The following SLC7A14 variants were observed in gnomAD, a reference collection of about 807,000 sequenced individuals.
SLC7A14 encodes gamma-aminobutyric acid transporter SLC7A14.
Under a neutral mutation model 60.2 loss-of-function variants are expected in SLC7A14, and 37 were observed. The observed-to-expected ratio is 0.61, with a 90% CI of 0.47 to 0.81. The LOEUF is 0.81. Among genes scored for constraint, SLC7A14 ranks in the 30% least tolerant of loss-of-function variants. The probability of loss-of-function intolerance (pLI) is 0.00; values close to 1 mark genes in which losing one functional copy is unlikely to be tolerated. For synonymous variants in SLC7A14, 399 were observed against 395.8 expected (o/e 1.01, Z -0.10); for missense variants, 886 against 982.7 (o/e 0.90, Z 1.32).
chr3:170,576,419 G>A (rs909454160), intron 1 of SLC7A14, among the ~76,000 whole-genome samples: 4 of 152,194 alleles, frequency 2.6e-5, no homozygotes, highest in African/African-American at 9.7e-5. Context: ...TCACATTATA[G>A]GCATATTAAC....
At chr3:170,583,744 C>G (rs1192298894) in intron 1 of SLC7A14, among the ~76,000 whole-genome samples, 3 of 152,226 alleles carry the variant, frequency 2.0e-5, no homozygotes, top group Non-Finnish European at 4.4e-5. Context: ...GAAAAGGCTG[C>G]TGGTTTAGTT....
chr3:170,573,934 C>T (rs979402067), intron 1 of SLC7A14, among the ~76,000 whole-genome samples: 1 of 152,216 alleles, frequency 6.6e-6, no homozygotes, highest in Non-Finnish European at 1.5e-5. Context: ...TTAGAAGCAT[C>T]TTCTATTGTA....
chr3:170,551,128 A>G (rs867730689), intron 1 of SLC7A14, among the ~76,000 whole-genome samples: 10 of 152,166 alleles, frequency 6.6e-5, no homozygotes, highest in Non-Finnish European at 1.0e-4. Flanking sequence ...GACATTTCAC[A>G]TAAATTCAGT....
rs760100218 is a variant in SLC7A14 at position 170,481,026 on chromosome 3, T to C, written c.1256A>G (p.Tyr419Cys). The change falls in exon 7 of 8, where the codon TAC becomes TGC. Residue 419 changes from tyrosine (Y) to cysteine (C), a missense_variant. Coordinates refer to ENST00000231706, the MANE Select transcript of SLC7A14 (RefSeq NM_020949.3). ...EMMSIGTLLAYTLVSVCVLLL... is the reference protein window; with the variant it reads ...EMMSIGTLLACTLVSVCVLLL... ...CAAGACACAGACAGAGACCAAGGTG[T>C]AGGCCAGGAGCGTGCCGATAGACAT... 1.2e-6 allele frequency: 2 copies of C among 1,613,920 alleles called. No individual in the cohort carries two copies. Among genetic ancestry groups the C allele is most frequent in the East Asian group, 4.5e-5 (2 of 44,868 alleles).
intron 2 of SLC7A14, among the ~76,000 whole-genome samples, chr3:170,502,172 G>A (rs1483429981): frequency 6.6e-6 from 1 of 152,216 alleles, no homozygotes; most frequent in South Asian, 2.1e-4. Flanking sequence ...AAGTATTTGG[G>A]TGGAGGGGAG....
intron 2 of SLC7A14, among the ~76,000 whole-genome samples, chr3:170,508,968 C>T (rs528276518): frequency 6.6e-6 from 1 of 152,308 alleles, no homozygotes; most frequent in African/African-American, 2.4e-5. Flanking sequence ...TGAGAAACAT[C>T]TATCCAGGCC....
At chr3:170,482,405 G>A (rs1711860837) in intron 6 of SLC7A14, among the ~76,000 whole-genome samples, 2 of 152,334 alleles carry the variant, frequency 1.3e-5, no homozygotes, top group South Asian at 2.1e-4. Flanking sequence ...GAGTATGCAG[G>A]GGAAATGAGT....
At chr3:170,467,758 C>T (rs2108262077) in intron 7 of SLC7A14, among the ~76,000 whole-genome samples, 1 of 152,274 alleles carries the variant, frequency 6.6e-6, no homozygotes, top group African/African-American at 2.4e-5. Context: ...TCATTACACT[C>T]ATATAGCTGC....
At chr3:170,560,854 A>G (rs1159043620) in intron 1 of SLC7A14, among the ~76,000 whole-genome samples, 2 of 152,226 alleles carry the variant, frequency 1.3e-5, no homozygotes, top group East Asian at 3.9e-4. Context: ...GGTCACATAT[A>G]TAACCACTTT....
intron 2 of SLC7A14, among the ~76,000 whole-genome samples, chr3:170,526,087 A>C (rs1338903993): frequency 2.1e-5 from 3 of 141,396 alleles, no homozygotes; most frequent in Admixed American, 7.0e-5. Context: ...AAAAAAAAAA[A>C]CCCAGAAAAC....
intron 1 of SLC7A14, among the ~76,000 whole-genome samples, chr3:170,577,948 A>G (rs1467943445): frequency 1.3e-5 from 2 of 152,226 alleles, no homozygotes; most frequent in African/African-American, 2.4e-5. Flanking sequence ...CATGATTTTG[A>G]AAGTTTTAGT....
intron 1 of SLC7A14, among the ~76,000 whole-genome samples, chr3:170,537,145 A>G (rs1298074285): frequency 6.6e-6 from 1 of 152,224 alleles, no homozygotes; most frequent in African/African-American, 2.4e-5. Flanking sequence ...CAAAAATGAC[A>G]GATTTGATAT....
chr3:170,517,365 A>G (rs775068793), intron 2 of SLC7A14, among the ~76,000 whole-genome samples: 2 of 152,172 alleles, frequency 1.3e-5, no homozygotes, highest in Non-Finnish European at 2.9e-5. Context: ...TCCTCACAAT[A>G]TTCTGCCTCT....
intron 1 of SLC7A14, among the ~76,000 whole-genome samples, chr3:170,558,777 A>G (rs937062519): frequency 1.3e-5 from 2 of 152,218 alleles, no homozygotes; most frequent in Admixed American, 1.3e-4. Flanking sequence ...AGAATTACAG[A>G]GCTGGATTTC....
At position 170,503,297 on chromosome 3, in the gene SLC7A14, C is replaced by T. The variant is rs1185970713; in HGVS notation, c.305-1952G>A. Among the ~76,000 whole-genome samples, 6 of 152,304 alleles carry T rather than the reference C, an allele frequency of 3.9e-5. No individual in the cohort carries two copies. In the South Asian group the frequency reaches 6.2e-4, roughly 16 times the overall value. Reference sequence around the variant, plus strand: ...TTTTCTAAATTGCTGCTTCCAACACCTGATATTTAAATTGTTAGAGTGAGT... The same window carrying T: ...TTTTCTAAATTGCTGCTTCCAACACTTGATATTTAAATTGTTAGAGTGAGT... On this transcript the variant is annotated intron_variant, in intron 2 of 7. Transcript: ENST00000231706.
intron 1 of SLC7A14, among the ~76,000 whole-genome samples, chr3:170,549,549 A>G (rs1714281832): frequency 6.6e-6 from 1 of 152,154 alleles, no homozygotes; most frequent in Non-Finnish European, 1.5e-5. Context: ...TCTGCAATCC[A>G]GGCTGCTCCT....
chr3:170,473,544 T>G (rs957326293), intron 7 of SLC7A14, among the ~76,000 whole-genome samples: 17 of 152,312 alleles, frequency 1.1e-4, no homozygotes, highest in African/African-American at 4.1e-4. Flanking sequence ...CTGAGGCACT[T>G]TGTTATGCCT....
chr3:170,552,382 T>C (rs1218405633), intron 1 of SLC7A14, among the ~76,000 whole-genome samples: 3 of 152,210 alleles, frequency 2.0e-5, no homozygotes, highest in African/African-American at 7.2e-5. Flanking sequence ...TGTGGACTCT[T>C]AATTTTATTC....
At chr3:170,471,651 C>T (rs1423947419) in intron 7 of SLC7A14, among the ~76,000 whole-genome samples, 4 of 152,028 alleles carry the variant, frequency 2.6e-5, no homozygotes, top group Middle Eastern at 3.2e-3. Context: ...TTTTGGGCAC[C>T]GCTAATCAAG....
Sources: allele counts gnomAD v4.1 joint callset (sites outside exome capture counted in the v4.1 genomes callset), GRCh38; gene constraint gnomAD v4.1.1; transcripts MANE v1.5; gene names NCBI Gene and HGNC (gene_info 2026-07-23, HGNC 2026-07-21).